NUP155: variants seen among roughly 807,000 people sequenced by gnomAD.
NUP155 encodes nuclear pore complex protein Nup155.
In NUP155, 71 loss-of-function variants were observed where a neutral mutation model predicts 180.4. That is an observed-to-expected ratio of 0.39 (90% CI 0.33 to 0.48). The LOEUF is 0.48. NUP155 is among the 20% of genes least tolerant of loss of function. NUP155 has a pLI of 0.91. For missense variants in NUP155, 1,553 were observed against 1,648.9 expected, an observed-to-expected ratio of 0.94 and a Z score of 1.01; for synonymous variants, 582 against 559.5, an observed-to-expected ratio of 1.04 and a Z score of -0.57.
chr5:37,296,846 T>C (rs1415415361), intron 32 of NUP155, among the ~76,000 whole-genome samples: 1 of 152,174 alleles, frequency 6.6e-6, no homozygotes, highest in Non-Finnish European at 1.5e-5. Context: ...CATTCTTACT[T>C]TTAACTGCCT....
rs1185957363 is a variant in NUP155, at chr5:37,289,726, T to C, written c.*2174A>G. 2 of 152,212 alleles carry C rather than the reference T, an allele frequency of 1.3e-5. No homozygotes were observed. The highest frequency in any genetic ancestry group is 2.1e-4 in the South Asian group (1 of 4,838). 9.4% of individuals were successfully genotyped at this position (152,212 alleles called of 1,614,324 possible). Reference sequence around the variant, plus strand: ...CTTTCAATGTTGTGAGCTGAGTATATATAACAACATATTGCTAGTATGTAA... The same window carrying C: ...CTTTCAATGTTGTGAGCTGAGTATACATAACAACATATTGCTAGTATGTAA... On this transcript the variant is annotated 3_prime_UTR_variant, in exon 35 of 35. Coordinates refer to ENST00000231498, the MANE Select transcript of NUP155 (RefSeq NM_153485.3).
intron 1 of NUP155, 74 bp downstream of exon 1, chr5:37,370,747 C>G: frequency 6.2e-7 from 1 of 1,613,044 alleles, no homozygotes; most frequent in South Asian, 1.1e-5. Context: ...GGGACCAACG[C>G]TGGGGATAAG....
rs1414921156 is a variant in NUP155 at position 37,355,588 on chromosome 5, TGTTTTTC to T, written c.463+2486_463+2492del. Among the ~76,000 whole-genome samples the T allele has an allele frequency of 5.6e-3, 829 of 147,776 alleles. 6 individuals carry two copies. The highest frequency in any genetic ancestry group is 6.3e-3 in the Non-Finnish European group (426 of 67,440). The stretch of plus-strand genomic sequence containing the variant: ...TTATTTATTTGTTTGTTTGTTTGTT[TGTTTTTC>T]AGAGGCGATGTCTCACTCTGTTGCC... On this transcript the variant is annotated intron_variant, in intron 4 of 34. Transcript: ENST00000231498.
chr5:37,289,044 C>A lies in NUP155; in HGVS notation c.*2856G>T. On this transcript the variant is annotated 3_prime_UTR_variant, in exon 35 of 35. Transcript: ENST00000231498. ...CAAGATCGTGCCATTGCACTCCAGCCTGGGCAACAAGAGCAAAACTCAGTC... is the reference window on the plus strand; with the variant it reads ...CAAGATCGTGCCATTGCACTCCAGCATGGGCAACAAGAGCAAAACTCAGTC... 1 of 155,192 alleles carries A rather than the reference C, an allele frequency of 6.4e-6. No individual in the cohort carries two copies. The highest frequency in any genetic ancestry group is 1.4e-5 in the Non-Finnish European group (1 of 70,298). The allele number at this position is 155,192 out of a possible 1,614,324, so 9.6% of individuals were successfully genotyped here.
chr5:37,318,238 T>A (rs1201649412), intron 20 of NUP155, among the ~76,000 whole-genome samples, 153 bp from the exon 21 acceptor site: 5 of 151,990 alleles, frequency 3.3e-5, no homozygotes, highest in South Asian at 2.1e-4. Context: ...CCAGAAAAAA[T>A]TTATGACACA....
In NUP155 at chr5:37,341,190, A is replaced by G. The variant is rs1474476515; in HGVS notation, c.1146T>C (p.Pro382=). ...GGACATGAACCAGCGTCAGTGTATTAGGCCGTGCTAATGGCTGTCTGAATG... is the reference window on the plus strand; with the variant it reads ...GGACATGAACCAGCGTCAGTGTATTGGGCCGTGCTAATGGCTGTCTGAATG... ...TCPFRQPLAR[P]NTLTLVHVRL... Residue 382 remains proline, a synonymous_variant, in exon 11 of 35, where the codon CCT becomes CCC. Transcript: ENST00000231498. 1.1e-5 allele frequency: 18 copies of G among 1,614,026 alleles called. No individual in the cohort carries two copies. The highest frequency in any genetic ancestry group is 1.4e-5 in the Non-Finnish European group (17 of 1,179,864).
At chr5:37,314,023 G>A (rs1743701563) in intron 22 of NUP155, among the ~76,000 whole-genome samples, 175 bp downstream of exon 22, 1 of 152,014 alleles carries the variant, frequency 6.6e-6, no homozygotes, top group Non-Finnish European at 1.5e-5. Context: ...TTGCGGCTTT[G>A]AAAAAATAGG....
At chr5:37,365,260 AAAATAAAT>A (rs139866282) in intron 1 of NUP155, among the ~76,000 whole-genome samples, 1 of 149,624 alleles carries the variant, frequency 6.7e-6, no homozygotes, top group African/African-American at 2.4e-5. Flanking sequence ...CTCTGTCTCA[AAAATAAAT>A]AAATAAATAA....
At chr5:37,301,841 C>T (rs565280432) in intron 29 of NUP155, among the ~76,000 whole-genome samples, 1 of 152,194 alleles carries the variant, frequency 6.6e-6, no homozygotes, top group Non-Finnish European at 1.5e-5. Context: ...TATGGCCATA[C>T]AACCAAGTTC....
chr5:37,360,543 T>C (rs1391528937), intron 3 of NUP155, among the ~76,000 whole-genome samples: 1 of 151,708 alleles, frequency 6.6e-6, no homozygotes, highest in African/African-American at 2.4e-5. Flanking sequence ...CCCAGCACTT[T>C]GGGAGGCTGA....
At chr5:37,337,954 G>C (rs1269584819) in intron 11 of NUP155, 36 bp from the exon 12 acceptor site, 1 of 1,176,672 alleles carries the variant, frequency 8.5e-7, no homozygotes, top group Admixed American at 1.7e-5. Context: ...ATTACATCAT[G>C]TCAAATATGC....
intron 31 of NUP155, 98 bp from the exon 32 acceptor site, chr5:37,299,076 A>C: frequency 1.3e-6 from 1 of 752,374 alleles, no homozygotes; most frequent in Non-Finnish European, 2.4e-6. Context: ...AAAATACTTT[A>C]GAACAGATAG....
chr5:37,306,048 G>A (rs1045685221), intron 25 of NUP155, among the ~76,000 whole-genome samples: 6 of 152,150 alleles, frequency 3.9e-5, no homozygotes, highest in African/African-American at 1.4e-4. Context: ...AGTTTGAGAA[G>A]TGTTTGGTTA....
At chr5:37,352,996 A>G (rs143693793) in intron 4 of NUP155, among the ~76,000 whole-genome samples, 167 bp from the exon 5 acceptor site, 347 of 152,322 alleles carry the variant, frequency 2.3e-3, no homozygotes, top group African/African-American at 8.1e-3. Context: ...GATCATTTAA[A>G]TAAGTAAATT....
intron 24 of NUP155, among the ~76,000 whole-genome samples, chr5:37,308,771 C>T (rs1224468465): frequency 2.0e-5 from 3 of 147,860 alleles, no homozygotes; most frequent in Non-Finnish European, 4.5e-5. Flanking sequence ...TACCAGCTAC[C>T]CGGGAGGCTG....
intron 29 of NUP155, among the ~76,000 whole-genome samples, chr5:37,302,437 T>C (rs1474056895): frequency 1.3e-5 from 2 of 152,204 alleles, no homozygotes; most frequent in South Asian, 2.1e-4. Flanking sequence ...GGTTTCGCCA[T>C]ATTGGCCAGG....
At chr5:37,341,388 G>C in intron 10 of NUP155, 146 bp from the exon 11 acceptor site, 1 of 728,540 alleles carries the variant, frequency 1.4e-6, no homozygotes, top group East Asian at 2.8e-5. Flanking sequence ...TGGAGATGGA[G>C]TCTAGCTCTG....
At chr5:37,305,289 T>C in intron 25 of NUP155, 79 bp from the exon 26 acceptor site, 1 of 1,280,682 alleles carries the variant, frequency 7.8e-7, no homozygotes, top group Non-Finnish European at 1.1e-6. Context: ...CTCACGCCTG[T>C]AATGCCAGCC....
rs115592340 is a variant in NUP155 at position 37,353,286 on chromosome 5, A to C, written c.464-457T>G. Among the ~76,000 whole-genome samples the C allele has an allele frequency of 3.3e-3, 495 of 152,230 alleles. 9 individuals are homozygous for C. Among genetic ancestry groups the C allele is most frequent in the African/African-American group, 0.011 (475 of 41,556 alleles). On this transcript the variant is annotated intron_variant, in intron 4 of 34. Transcript: ENST00000231498. Reference sequence around the variant, plus strand: ...TATACACACACACACACAAAATGGAATACTACTGAACTTTAAAAAGTAAGA... The same window carrying C: ...TATACACACACACACACAAAATGGACTACTACTGAACTTTAAAAAGTAAGA...
Sources: allele counts gnomAD v4.1 joint callset (sites outside exome capture counted in the v4.1 genomes callset), GRCh38; gene constraint gnomAD v4.1.1; transcripts MANE v1.5; gene names NCBI Gene and HGNC (gene_info 2026-07-23, HGNC 2026-07-21).